The following ASTN2 variants were observed in gnomAD, a reference collection of about 807,000 sequenced individuals.
ASTN2 encodes astrotactin 2.
Under a neutral mutation model 139.8 loss-of-function variants are expected in ASTN2, and 54 were observed. The ratio of observed to expected loss-of-function variants is 0.39; its 90% CI spans 0.31 to 0.48. The LOEUF is 0.48. ASTN2 is among the 20% of genes least tolerant of loss of function. The probability of loss-of-function intolerance (pLI) is 0.95; values close to 1 mark genes in which losing one functional copy is unlikely to be tolerated. For missense variants in ASTN2, 1,565 were observed against 1,725.1 expected (o/e 0.91, Z 1.64); for synonymous variants, 756 against 719.5 (o/e 1.05, Z -0.81).
chr9:117,073,553 A>T (rs1048911635), intron 5 of ASTN2, among the ~76,000 whole-genome samples: 4 of 152,128 alleles, frequency 2.6e-5, no homozygotes, highest in East Asian at 1.9e-4. Context: ...CTCCCAACAG[A>T]CTGTAGATTT....
At chr9:116,428,089 G>C (rs777754482) in intron 22 of ASTN2, among the ~76,000 whole-genome samples, 1 of 152,234 alleles carries the variant, frequency 6.6e-6, no homozygotes, top group Non-Finnish European at 1.5e-5. Context: ...AATGACAAAA[G>C]CAATTATAAA....
chr9:116,499,505 C>G (rs1001270236), intron 19 of ASTN2, among the ~76,000 whole-genome samples: 3 of 152,174 alleles, frequency 2.0e-5, no homozygotes, highest in African/African-American at 7.2e-5. Flanking sequence ...TCCCACAGCT[C>G]CCTGTGTCCC....
chr9:117,092,931 C>T (rs1006559585), intron 5 of ASTN2, among the ~76,000 whole-genome samples: 1 of 152,140 alleles, frequency 6.6e-6, no homozygotes, highest in Non-Finnish European at 1.5e-5. Flanking sequence ...ACAACAGAAC[C>T]ATTCTAGTGT....
At chr9:116,499,872 C>T (rs1472395760) in intron 19 of ASTN2, among the ~76,000 whole-genome samples, 2 of 152,038 alleles carry the variant, frequency 1.3e-5, no homozygotes, top group South Asian at 2.1e-4. Flanking sequence ...AGATTCTGTA[C>T]GAATAAGTTC....
At chr9:117,136,225 T>C (rs995483590) in intron 4 of ASTN2, among the ~76,000 whole-genome samples, 1 of 152,342 alleles carries the variant, frequency 6.6e-6, no homozygotes, top group East Asian at 1.9e-4. Context: ...TTCTGGCCTA[T>C]GGAAATCCTT....
At chr9:117,404,231 T>C (rs938244801) in intron 1 of ASTN2, among the ~76,000 whole-genome samples, 3 of 152,186 alleles carry the variant, frequency 2.0e-5, no homozygotes, top group Non-Finnish European at 4.4e-5. Context: ...CTTCATGTTA[T>C]TGATGGGTAA....
chr9:116,425,645 T>G lies in ASTN2; in HGVS notation c.*206A>C, dbSNP rs752059185. 5 of 1,611,410 alleles carry G rather than the reference T, an allele frequency of 3.1e-6. No individual in the cohort carries two copies. The Admixed American group carries it at 5.0e-5, about 16-fold the overall frequency. On this transcript the variant is annotated 3_prime_UTR_variant, in exon 23 of 23. Transcript: ENST00000313400. ...ATAATATCTTTGAAAAAATAAAAGATAGAGAAAAATGAATAATTCCATTGG... is the reference window on the plus strand; with the variant it reads ...ATAATATCTTTGAAAAAATAAAAGAGAGAGAAAAATGAATAATTCCATTGG...
intron 16 of ASTN2, chr9:116,687,155 A>T: frequency 9.3e-7 from 1 of 1,073,174 alleles, no homozygotes; most frequent in South Asian, 3.0e-5. Context: ...CGTGTCGCTA[A>T]GGCCCCGGGT....
intron 3 of ASTN2, 39 bp from the exon 4 acceptor site, chr9:117,141,517 C>T (rs1830075516): frequency 7.4e-7 from 1 of 1,349,550 alleles, no homozygotes; most frequent in African/African-American, 1.5e-5. Flanking sequence ...GGGCTTGAGC[C>T]CACCCTCAGC....
chr9:117,257,373 C>T (rs962530845), intron 2 of ASTN2, among the ~76,000 whole-genome samples: 2 of 152,108 alleles, frequency 1.3e-5, no homozygotes, highest in African/African-American at 2.4e-5. Flanking sequence ...ACAACTATGA[C>T]CAAAGAGTAG....
At chr9:116,972,461 C>A (rs1179842703) in intron 10 of ASTN2, among the ~76,000 whole-genome samples, 3 of 151,794 alleles carry the variant, frequency 2.0e-5, no homozygotes, top group Non-Finnish European at 4.4e-5. Context: ...TTTTGTAAGT[C>A]CTACTTGTGG....
chr9:117,085,321 G>T (rs1158854749), intron 5 of ASTN2, among the ~76,000 whole-genome samples: 2 of 152,180 alleles, frequency 1.3e-5, no homozygotes, highest in African/African-American at 4.8e-5. Flanking sequence ...GCTGGTAATT[G>T]TTTAACAATG....
intron 16 of ASTN2, among the ~76,000 whole-genome samples, chr9:116,693,733 T>C (rs978038318): frequency 6.6e-6 from 1 of 152,242 alleles, no homozygotes; most frequent in Admixed American, 6.5e-5. Flanking sequence ...GTACAGTTGA[T>C]AGCTGGCAGA....
intron 3 of ASTN2, among the ~76,000 whole-genome samples, chr9:117,158,514 T>C (rs1830478248): frequency 6.6e-6 from 1 of 152,222 alleles, no homozygotes; most frequent in Admixed American, 6.5e-5. Context: ...TGTTCCTTAC[T>C]ATGATCAACT....
intron 1 of ASTN2, among the ~76,000 whole-genome samples, chr9:117,380,464 G>T (rs1010346563): frequency 3.9e-5 from 6 of 151,954 alleles, no homozygotes; most frequent in Non-Finnish European, 8.8e-5. Flanking sequence ...AATTAGCTGG[G>T]GGTGGTGTTG....
chr9:116,587,345 T>TA (rs376336813), intron 19 of ASTN2, among the ~76,000 whole-genome samples: 37,449 of 83,060 alleles, frequency 0.45, 6,795 homozygotes, highest in Admixed American at 0.54. Flanking sequence ...CATCTCAAAT[T>TA]TAAAAAAAAA....
chr9:116,537,294 AT>A (rs977480833), intron 19 of ASTN2, among the ~76,000 whole-genome samples: 24 of 152,002 alleles, frequency 1.6e-4, no homozygotes, highest in African/African-American at 5.3e-4. Flanking sequence ...AATTTCTATA[AT>A]TTTTTTCTTT....
At chr9:116,430,663 C>T (rs1371596568) in intron 22 of ASTN2, among the ~76,000 whole-genome samples, 2 of 152,146 alleles carry the variant, frequency 1.3e-5, no homozygotes, top group Non-Finnish European at 2.9e-5. Flanking sequence ...TTTTGTAGGG[C>T]TGTTGTTAGG....
chr9:116,838,516 T>A (rs1588338506), intron 11 of ASTN2, among the ~76,000 whole-genome samples: 1 of 151,816 alleles, frequency 6.6e-6, no homozygotes. Context: ...CTCTGCCTCC[T>A]GGGTTCAAGC....
Sources: allele counts gnomAD v4.1 joint callset (sites outside exome capture counted in the v4.1 genomes callset), GRCh38; gene constraint gnomAD v4.1.1; transcripts MANE v1.5; gene names NCBI Gene and HGNC (gene_info 2026-07-23, HGNC 2026-07-21).